Variants in NPTXR observed in about 807,000 individuals in gnomAD.
NPTXR encodes neuronal pentraxin receptor.
NPTXR carries 12 observed loss-of-function variants against 32.2 expected under a neutral mutation model. The ratio of observed to expected loss-of-function variants is 0.37; its 90% CI spans 0.24 to 0.60. The LOEUF (loss-of-function observed/expected upper bound fraction) is 0.60, where lower values mean the gene tolerates loss of function less well. Among genes scored for constraint, NPTXR ranks in the 20% least tolerant of loss-of-function variants. The pLI, the probability that NPTXR is intolerant of heterozygous loss-of-function variation, is 0.66. For synonymous variants in NPTXR, 323 were observed against 315.8 expected, an observed-to-expected ratio of 1.02 and a Z score of -0.24; for missense variants, 612 against 682.9, an observed-to-expected ratio of 0.90 and a Z score of 1.16.
In NPTXR at chr22:38,843,761, G is replaced by A. The variant is rs1228554608; in HGVS notation, c.98C>T (p.Ala33Val). 3.0e-6 allele frequency: 3 copies of A among 1,001,180 alleles called. No individual in the cohort carries two copies. Among genetic ancestry groups the A allele is most frequent in the Non-Finnish European group, 3.6e-6 (3 of 842,048 alleles). 62.0% of individuals were successfully genotyped at this position (1,001,180 alleles called of 1,614,324 possible). A position where few individuals can be genotyped will look rare whatever the true frequency, so the allele number is the denominator to read the frequency against. ...GTCGGCGCCGCCGGGCAGCGCCCGC[G>A]CCGGGCTGGCCGCCAGGGGCACGCT... Residue 33 changes from alanine to valine, a missense_variant, in exon 1 of 5, where the codon GCG becomes GTG. Physicochemically the swap from Ala to Val is moderately conservative, Grantham distance 64. Coordinates refer to ENST00000333039, the MANE Select transcript of NPTXR (RefSeq NM_014293.4). This position sits in a 1 kb window ranked among gnomAD's most constrained non-coding sequence, Gnocchi z 5.3.
At chr22:38,828,766 G>A (rs551954765) in intron 1 of NPTXR, among the ~76,000 whole-genome samples, 57 of 152,382 alleles carry the variant, frequency 3.7e-4, no homozygotes, top group Middle Eastern at 6.8e-3. Context: ...AGCTCAGGCT[G>A]TGGTGGGGGT....
At chr22:38,824,826 T>C (rs1390798074) in intron 3 of NPTXR, among the ~76,000 whole-genome samples, 1 of 151,790 alleles carries the variant, frequency 6.6e-6, no homozygotes, top group Non-Finnish European at 1.5e-5. Context: ...GGTCGTAGGG[T>C]TTATTGGGCC....
chr22:38,828,051 G>GT (rs1285243722), intron 2 of NPTXR, among the ~76,000 whole-genome samples: 1 of 152,174 alleles, frequency 6.6e-6, no homozygotes, highest in African/African-American at 2.4e-5. Flanking sequence ...ATCAGCTGAT[G>GT]TATCAAGTAC....
rs746819562 is a variant in NPTXR, at chr22:38,826,680, G to A, written c.918C>T (p.Tyr306=). The change falls in exon 3 of 5, where the codon TAC becomes TAT. Residue 306 remains tyrosine (Y), a synonymous_variant. Transcript: ENST00000333039. ...CGGGCAGAGCCTTCCGCACGCGGGC[G>A]TACATGTAGTTGTTACGGATGGGGA... 8.1e-6 allele frequency: 13 copies of A among 1,614,150 alleles called. No individual in the cohort carries two copies. The highest frequency in any genetic ancestry group is 6.7e-5 in the Admixed American group (4 of 60,012).
In NPTXR at chr22:38,822,270, A is replaced by G; in HGVS notation, c.*339T>C. On this transcript the variant is annotated 3_prime_UTR_variant, in exon 5 of 5. Coordinates refer to ENST00000333039, the MANE Select transcript of NPTXR (RefSeq NM_014293.4). Reference sequence around the variant, plus strand: ...ACTGAGATAGTGGGGTCCCCCTCATACACAATCCTACCCTACTGGGGGTGC... The same window carrying G: ...ACTGAGATAGTGGGGTCCCCCTCATGCACAATCCTACCCTACTGGGGGTGC... 3.1e-6 allele frequency: 1 copy of G among 323,334 alleles called. No homozygotes were observed. The highest frequency in any genetic ancestry group is 6.0e-6 in the Non-Finnish European group (1 of 167,448). The allele number at this position is 323,334 out of a possible 1,614,324, so 20.0% of individuals were successfully genotyped here. A position where few individuals can be genotyped will look rare whatever the true frequency, so the allele number is the denominator to read the frequency against.
chr22:38,835,126 C>A (rs2093122047), intron 1 of NPTXR, among the ~76,000 whole-genome samples: 1 of 152,232 alleles, frequency 6.6e-6, no homozygotes, highest in Non-Finnish European at 1.5e-5. Flanking sequence ...TGAGCTCACC[C>A]CTGCTGCCTC....
rs1365123842 is a variant in NPTXR, at chr22:38,820,944, G to A, written c.*1665C>T. Reference sequence around the variant, plus strand: ...GAGTCTTGCTCTGTTGCCCAGGCTGGAGTGCAATGGCGTGATCTCGGCTCA... The same window carrying A: ...GAGTCTTGCTCTGTTGCCCAGGCTGAAGTGCAATGGCGTGATCTCGGCTCA... On this transcript the variant is annotated 3_prime_UTR_variant, in exon 5 of 5. Coordinates refer to ENST00000333039, the MANE Select transcript of NPTXR (RefSeq NM_014293.4). 1 of 152,346 alleles carries A rather than the reference G, an allele frequency of 6.6e-6. No homozygotes were observed. Among genetic ancestry groups the A allele is most frequent in the African/African-American group, 2.4e-5 (1 of 41,424 alleles). The allele number at this position is 152,346 out of a possible 1,614,324, so 9.4% of individuals were successfully genotyped here.
intron 3 of NPTXR, among the ~76,000 whole-genome samples, chr22:38,824,716 G>A (rs145987238): frequency 6.4e-4 from 97 of 152,282 alleles, no homozygotes; most frequent in African/African-American, 2.1e-3. Flanking sequence ...TCCTTCTAAT[G>A]AGAACTGAGT....
Position 38,843,432 on chromosome 22 carries a change from G to C in NPTXR, c.427C>G (p.Arg143Gly). 1.4e-6 allele frequency: 2 copies of C among 1,387,460 alleles called. No individual in the cohort carries two copies. Among genetic ancestry groups the C allele is most frequent in the Non-Finnish European group, 1.9e-6 (2 of 1,077,496 alleles). The allele number at this position is 1,387,460 out of a possible 1,614,324, so 85.9% of individuals were successfully genotyped here. Residue 143 changes from arginine to glycine, a missense_variant, in exon 1 of 5, where the codon CGC becomes GGC. Coordinates refer to ENST00000333039, the MANE Select transcript of NPTXR (RefSeq NM_014293.4). The surrounding 1 kb of genome is among the most constrained non-coding windows in gnomAD (Gnocchi z 5.3). ...ATGGTGTCCTGGTCGGCGCGGATGCGCGCCTCCTGCTGCAGCGCCGTCTGG... is the reference window on the plus strand; with the variant it reads ...ATGGTGTCCTGGTCGGCGCGGATGCCCGCCTCCTGCTGCAGCGCCGTCTGG...
At chr22:38,830,058 C>G (rs368576015) in intron 1 of NPTXR, among the ~76,000 whole-genome samples, 3 of 152,348 alleles carry the variant, frequency 2.0e-5, no homozygotes, top group East Asian at 1.9e-4. Flanking sequence ...AGTGCGTCCC[C>G]TGCATCAGAG....
chr22:38,829,296 A>G (rs1454260453), intron 1 of NPTXR, among the ~76,000 whole-genome samples: 1 of 152,122 alleles, frequency 6.6e-6, no homozygotes, highest in Non-Finnish European at 1.5e-5. Flanking sequence ...TCCCCCATCC[A>G]GCCCGGGATG....
chr22:38,826,631 T>G lies in NPTXR; in HGVS notation c.967A>C (p.Met323Leu). 6.2e-7 allele frequency: 1 copy of G among 1,614,274 alleles called. No individual in the cohort carries two copies. The highest frequency in any genetic ancestry group is 8.5e-7 in the Non-Finnish European group (1 of 1,180,046). Residue 323 changes from methionine (M) to leucine (L), a missense_variant, in exon 3 of 5, where the codon ATG becomes CTG. Met to Leu is a conservative substitution (Grantham distance 15). Transcript: ENST00000333039. ...CCGCTGGACCTGGACCGCAGCCACA[T>G]GCAGGCGGTGAATGCGTAGAGCTCG...
intron 2 of NPTXR, among the ~76,000 whole-genome samples, chr22:38,827,027 C>T (rs1005112414): frequency 6.6e-6 from 1 of 152,118 alleles, no homozygotes; most frequent in African/African-American, 2.4e-5. Flanking sequence ...GTAGACAGGC[C>T]AGAGGCAGGG....
intron 1 of NPTXR, among the ~76,000 whole-genome samples, chr22:38,835,838 A>G (rs2093123078): frequency 6.6e-6 from 1 of 152,154 alleles, no homozygotes; most frequent in African/African-American, 2.4e-5. Flanking sequence ...CTGTGGAAGC[A>G]CATAAGTGCT....
chr22:38,827,254 T>C (rs1477285562), intron 2 of NPTXR, among the ~76,000 whole-genome samples: 2 of 120,950 alleles, frequency 1.7e-5, no homozygotes, highest in South Asian at 5.2e-4. Flanking sequence ...TTTTCTTTTT[T>C]TCTTTCTTTT....
intron 1 of NPTXR, among the ~76,000 whole-genome samples, chr22:38,838,480 C>CCTTGAGGACTGGCCTTCACCCCTCTCACT (rs2093127385): frequency 6.6e-6 from 1 of 151,796 alleles, no homozygotes; most frequent in Non-Finnish European, 1.5e-5. Context: ...GCAGGACAAG[C>CCTTGAGGACTGGCCTTCACCCCTCTCACT]CTTGAGGACT....
In NPTXR at chr22:38,834,946, G is replaced by A. The variant is rs2093121831; in HGVS notation, c.625-6434C>T. ...GCAGGAGAGCATAATGTGTCATGGT[G>A]CAGGCCCTGGAGCCAGACTGCCTGG... On this transcript the variant is annotated intron_variant, in intron 1 of 4. Transcript: ENST00000333039. The surrounding 1 kb of genome is among the most constrained non-coding windows in gnomAD (Gnocchi z 4.4). Among the ~76,000 whole-genome samples, 1 of 152,230 alleles carries A rather than the reference G, an allele frequency of 6.6e-6. No individual in the cohort carries two copies. Among genetic ancestry groups the A allele is most frequent in the South Asian group, 2.1e-4 (1 of 4,830 alleles).
At chr22:38,836,758 C>A (rs6001251) in intron 1 of NPTXR, among the ~76,000 whole-genome samples, 86,044 of 151,964 alleles carry the variant, frequency 0.57, 24,604 homozygotes, top group East Asian at 0.77. Context: ...GTGACCTCTT[C>A]CGTATCTTGA....
At chr22:38,824,637 C>A (rs1284409289) in intron 3 of NPTXR, among the ~76,000 whole-genome samples, 3 of 152,214 alleles carry the variant, frequency 2.0e-5, no homozygotes, top group African/African-American at 7.2e-5. Context: ...GTCTGTTAGG[C>A]TGGCTCTCAA....
Sources: gnomAD v4.1 joint callset for allele counts (sites outside exome capture counted in the v4.1 genomes callset) on GRCh38, gnomAD v4.1.1 for gene constraint, Gnocchi (gnomAD v3.1) non-coding constraint, MANE v1.5 for transcripts, NCBI Gene and HGNC (gene_info 2026-07-23, HGNC 2026-07-21) for gene names.